Variants in LRP1B observed in about 807,000 individuals in gnomAD.
LRP1B encodes low-density lipoprotein receptor-related protein 1B.
Under a neutral mutation model 556.6 loss-of-function variants are expected in LRP1B, and 217 were observed. The observed-to-expected ratio is 0.39, with a 90% CI of 0.35 to 0.44. The LOEUF (loss-of-function observed/expected upper bound fraction) is 0.44, where lower values mean the gene tolerates loss of function less well. Among genes scored for constraint, LRP1B ranks in the 20% least tolerant of loss-of-function variants. The pLI is 1.00. For missense variants in LRP1B, 5,053 were observed against 5,620.8 expected (o/e 0.90, Z 3.23); for synonymous variants, 2,047 against 1,865.8 (o/e 1.10, Z -2.50).
intron 7 of LRP1B, among the ~76,000 whole-genome samples, chr2:141,082,802 A>G (rs1699957603): frequency 6.6e-6 from 1 of 152,232 alleles, no homozygotes; most frequent in Non-Finnish European, 1.5e-5. Flanking sequence ...AAAAATGGCT[A>G]TGAATAAAAG....
rs370347199 is a variant in LRP1B, at chr2:141,055,112, A to C, written c.1552+4T>G. 2.1e-5 allele frequency: 34 copies of C among 1,611,544 alleles called. No individual in the cohort carries two copies. Among genetic ancestry groups the C allele is most frequent in the Non-Finnish European group, 2.7e-5 (32 of 1,178,750 alleles). ...CTGGCAAATGTTTTATTTTAACAAC[A>C]TACTTTTGCATGACCTGCCATCACT... On this transcript the variant is annotated splice_donor_region_variant and intron_variant, in intron 10 of 90. Coordinates refer to ENST00000389484, the MANE Select transcript of LRP1B (RefSeq NM_018557.3).
At chr2:140,270,907 T>C (rs1468319414) in intron 85 of LRP1B, among the ~76,000 whole-genome samples, 8 of 151,984 alleles carry the variant, frequency 5.3e-5, no homozygotes, top group Non-Finnish European at 1.2e-4. Flanking sequence ...AAACTATTTT[T>C]ATTCTAACAT....
intron 2 of LRP1B, among the ~76,000 whole-genome samples, chr2:141,723,216 A>G (rs1369582519): frequency 6.6e-6 from 1 of 150,638 alleles, no homozygotes; most frequent in Admixed American, 6.6e-5. Context: ...TTCCCCTGAC[A>G]AGGTTGACAG....
chr2:140,929,281 A>G (rs923533666), intron 20 of LRP1B, among the ~76,000 whole-genome samples: 2 of 152,158 alleles, frequency 1.3e-5, no homozygotes, highest in Non-Finnish European at 2.9e-5. Flanking sequence ...TGCCAGGAGA[A>G]CACACAGAGT....
In LRP1B at chr2:141,796,772, A is replaced by G. The variant is rs1574369903; in HGVS notation, c.205+13507T>C. Among the ~76,000 whole-genome samples, 4 of 151,872 alleles carry G rather than the reference A, an allele frequency of 2.6e-5. 1 individual carries two copies. The South Asian group carries it at 8.3e-4, about 32-fold the overall frequency. ...AAAGCAGATTCAAATATTTTCTTTCACTACCATCAAAGAGTAGGGCCTTAC... is the reference window on the plus strand; with the variant it reads ...AAAGCAGATTCAAATATTTTCTTTCGCTACCATCAAAGAGTAGGGCCTTAC... On this transcript the variant is annotated intron_variant, in intron 2 of 90. Coordinates refer to ENST00000389484, the MANE Select transcript of LRP1B (RefSeq NM_018557.3).
chr2:140,657,454 T>A (rs1684919696), intron 41 of LRP1B, among the ~76,000 whole-genome samples: 1 of 151,366 alleles, frequency 6.6e-6, no homozygotes, highest in African/African-American at 2.4e-5. Context: ...GAATGATTAT[T>A]CCATCTAACA....
chr2:141,743,486 C>CTTTTTTTTTTTTTTTTTTTT (rs765968445), intron 2 of LRP1B, among the ~76,000 whole-genome samples: 1 of 108,034 alleles, frequency 9.3e-6, no homozygotes, highest in Admixed American at 1.0e-4. Context: ...CTGCTTTTTT[C>CTTTTTTTTTTTTTTTTTTTT]TTTTTTTTTT....
chr2:140,669,930 T>G (rs1685420495), intron 41 of LRP1B, among the ~76,000 whole-genome samples: 1 of 152,190 alleles, frequency 6.6e-6, no homozygotes, highest in African/African-American at 2.4e-5. Flanking sequence ...TTGCCTGCAT[T>G]GAATCTTGTA....
intron 20 of LRP1B, among the ~76,000 whole-genome samples, chr2:140,926,189 T>C (rs1195448539): frequency 6.6e-6 from 1 of 151,048 alleles, no homozygotes; most frequent in African/African-American, 2.4e-5. Flanking sequence ...AAGAAGAAAA[T>C]ATAATATTGT....
At chr2:142,096,269 TA>T (rs1274523435) in intron 1 of LRP1B, among the ~76,000 whole-genome samples, 1 of 151,576 alleles carries the variant, frequency 6.6e-6, no homozygotes, top group African/African-American at 2.4e-5. Flanking sequence ...TAAGACTCGG[TA>T]ACAGTGTTTA....
intron 41 of LRP1B, among the ~76,000 whole-genome samples, chr2:140,657,396 A>G (rs1684916953): frequency 6.6e-6 from 1 of 151,792 alleles, no homozygotes; most frequent in Non-Finnish European, 1.5e-5. Flanking sequence ...CTAAGACCAG[A>G]GTAAATCTTT....
At chr2:140,328,149 A>AG (rs1680595226) in intron 79 of LRP1B, among the ~76,000 whole-genome samples, 2 of 152,048 alleles carry the variant, frequency 1.3e-5, no homozygotes, top group Non-Finnish European at 2.9e-5. Flanking sequence ...AATTCTCAAG[A>AG]AACTCATTTT....
chr2:141,098,173 T>G (rs1165669590), intron 7 of LRP1B, among the ~76,000 whole-genome samples: 1 of 152,206 alleles, frequency 6.6e-6, no homozygotes, highest in Non-Finnish European at 1.5e-5. Context: ...GAAACTAAAA[T>G]GTGTCTCTAC....
intron 49 of LRP1B, among the ~76,000 whole-genome samples, chr2:140,521,073 C>T (rs542124527): frequency 6.6e-6 from 1 of 151,716 alleles, no homozygotes; most frequent in African/African-American, 2.4e-5. Flanking sequence ...AAATCTATGA[C>T]TTATTGAGAT....
At chr2:141,915,449 A>G (rs943563875) in intron 1 of LRP1B, among the ~76,000 whole-genome samples, 4 of 152,184 alleles carry the variant, frequency 2.6e-5, no homozygotes, top group African/African-American at 9.7e-5. Context: ...TTAACTCAAG[A>G]TGGATTAAAA....
intron 2 of LRP1B, among the ~76,000 whole-genome samples, chr2:141,807,831 A>C (rs1330180451): frequency 6.6e-6 from 1 of 152,048 alleles, no homozygotes. Context: ...GTAGATGCCT[A>C]ATCAATCAGG....
At chr2:141,957,002 A>G (rs6741050) in intron 1 of LRP1B, among the ~76,000 whole-genome samples, 70,340 of 151,862 alleles carry the variant, frequency 0.46, 16,497 homozygotes, top group Admixed American at 0.53. Flanking sequence ...TGATAGGGGT[A>G]GGTGTGATCA....
intron 49 of LRP1B, among the ~76,000 whole-genome samples, chr2:140,525,358 G>A (rs1558943159): frequency 6.6e-6 from 1 of 151,808 alleles, no homozygotes; most frequent in East Asian, 1.9e-4. Flanking sequence ...ATGGTTAACA[G>A]TCAGATATAA....
At position 141,414,166 on chromosome 2, in the gene LRP1B, G is replaced by A. The variant is rs113108262; in HGVS notation, c.343+66230C>T. Among the ~76,000 whole-genome samples the A allele has an allele frequency of 7.9e-3, 1,197 of 150,894 alleles. 3 individuals are homozygous for A. The highest frequency in any genetic ancestry group is 0.011 in the African/African-American group (469 of 41,102). ...GCAGGAGAATGGCGTGAACCCGGGA[G>A]GCGGAGCTTGCAGTGAGCGGAGATA... On this transcript the variant is annotated intron_variant, in intron 3 of 90. Transcript: ENST00000389484.
Sources: allele counts gnomAD v4.1 joint callset (sites outside exome capture counted in the v4.1 genomes callset), GRCh38; gene constraint gnomAD v4.1.1; transcripts MANE v1.5; gene names NCBI Gene and HGNC (gene_info 2026-07-23, HGNC 2026-07-21).